The following DNAJC6 variants were observed in gnomAD, a reference collection of about 807,000 sequenced individuals.
DNAJC6 encodes auxilin.
Under a neutral mutation model 110.0 loss-of-function variants are expected in DNAJC6, and 34 were observed. The ratio of observed to expected loss-of-function variants is 0.31; its 90% confidence interval spans 0.24 to 0.41. The LOEUF (loss-of-function observed/expected upper bound fraction) is 0.41. Among genes scored for constraint, DNAJC6 ranks in the 10% least tolerant of loss-of-function variants. The probability of loss-of-function intolerance (pLI) is 1.00; values close to 1 mark genes in which losing one functional copy is unlikely to be tolerated. For synonymous variants in DNAJC6, 406 were observed against 437.2 expected, an observed-to-expected ratio of 0.93 and a Z score of 0.89; for missense variants, 1,031 against 1,207.8, an observed-to-expected ratio of 0.85 and a Z score of 2.17.
At chr1:65,411,466 T>C in intron 18 of DNAJC6, 40 bp downstream of exon 18, 1 of 1,573,848 alleles carries the variant, frequency 6.4e-7, no homozygotes. Context: ...TGTCAGGTCC[T>C]TGCTTCATTA....
chr1:65,389,127 T>C (rs1645899742), intron 9 of DNAJC6, 129 bp from the exon 10 acceptor site: 1 of 836,852 alleles, frequency 1.2e-6, no homozygotes, highest in East Asian at 2.6e-5. Context: ...TATCTGGTTA[T>C]GACTGAGTCT....
At chr1:65,326,030 A>G (rs749965232) in intron 1 of DNAJC6, among the ~76,000 whole-genome samples, 4 of 152,250 alleles carry the variant, frequency 2.6e-5, no homozygotes, top group Non-Finnish European at 4.4e-5. Context: ...TGACTGTCAT[A>G]TATTCAATGT....
At chr1:65,279,791 A>G (rs1337823340) in intron 1 of DNAJC6, 1 of 152,226 alleles carries the variant, frequency 6.6e-6, no homozygotes, top group Non-Finnish European at 1.5e-5. Flanking sequence ...GCTGCCTATA[A>G]CAAGTTTCCA....
intron 1 of DNAJC6, among the ~76,000 whole-genome samples, chr1:65,271,400 C>T (rs1653499824): frequency 6.6e-6 from 1 of 152,114 alleles, no homozygotes; most frequent in Non-Finnish European, 1.5e-5. Flanking sequence ...CAGCATTGCC[C>T]CTTTCCCTGC....
At chr1:65,375,290 A>T (rs190815673) in intron 4 of DNAJC6, among the ~76,000 whole-genome samples, 150 of 151,750 alleles carry the variant, frequency 9.9e-4, no homozygotes, top group South Asian at 3.1e-3. Flanking sequence ...TCATAAAGGG[A>T]TGTTGAATTT....
Position 65,364,610 on chromosome 1 carries a change from G to GT in DNAJC6, c.194-22dup, listed in dbSNP as rs753560538. 2.1e-3 allele frequency: 3,085 copies of GT among 1,441,052 alleles called. 55 individuals are homozygous for GT. The East Asian group carries it at 0.038, about 18-fold the overall frequency. The allele number at this position is 1,441,052 out of a possible 1,614,324, so 89.3% of individuals were successfully genotyped here. On this transcript the variant is annotated intron_variant, in intron 1 of 18. Transcript: ENST00000371069. The stretch of plus-strand genomic sequence containing the variant: ...TTCTCTGCCATCACCATTTTTGTTT[G>GT]TTTGTTTTTTTTTTTTTTTGGCAGG...
At chr1:65,376,847 G>A (rs1410059207) in intron 4 of DNAJC6, among the ~76,000 whole-genome samples, 1 of 152,112 alleles carries the variant, frequency 6.6e-6, no homozygotes, top group Admixed American at 6.5e-5. Flanking sequence ...TCAGTTCACT[G>A]CAACCTCCAC....
At chr1:65,319,748 A>G (rs1645181068) in intron 1 of DNAJC6, among the ~76,000 whole-genome samples, 1 of 152,252 alleles carries the variant, frequency 6.6e-6, no homozygotes, top group African/African-American at 2.4e-5. Flanking sequence ...CTTAGCAGAT[A>G]ATAGTCTTCA....
At chr1:65,371,953 C>G (rs190247461) in intron 4 of DNAJC6, among the ~76,000 whole-genome samples, 5 of 152,128 alleles carry the variant, frequency 3.3e-5, no homozygotes, top group South Asian at 2.1e-4. Flanking sequence ...AGAGCACATG[C>G]TTTTAAAAAA....
intron 1 of DNAJC6, among the ~76,000 whole-genome samples, chr1:65,328,261 C>T (rs561075278): frequency 6.6e-6 from 1 of 152,258 alleles, no homozygotes; most frequent in South Asian, 2.1e-4. Context: ...TTGCTAAAAT[C>T]TCAATGATGA....
chr1:65,365,777 G>A, intron 2 of DNAJC6, 108 bp from the exon 3 acceptor site: 1 of 1,221,864 alleles, frequency 8.2e-7, no homozygotes, highest in Non-Finnish European at 1.2e-6. Context: ...GTCGAAACAT[G>A]CCCCCTGGAC....
At chr1:65,271,578 T>C (rs1383180727) in intron 1 of DNAJC6, among the ~76,000 whole-genome samples, 1 of 152,104 alleles carries the variant, frequency 6.6e-6, no homozygotes, top group African/African-American at 2.4e-5. Flanking sequence ...AGAAATAGAA[T>C]TGATTAGGCC....
chr1:65,411,848 G>C (rs772451705), intron 18 of DNAJC6, among the ~76,000 whole-genome samples: 3 of 152,174 alleles, frequency 2.0e-5, no homozygotes, highest in Non-Finnish European at 4.4e-5. Context: ...GCATAAGCCT[G>C]TAGTCTTAGC....
At chr1:65,279,088 C>T (rs1250104577) in intron 1 of DNAJC6, 4 of 985,288 alleles carry the variant, frequency 4.1e-6, no homozygotes, top group African/African-American at 3.5e-5. Flanking sequence ...AAGGGAAATT[C>T]GTGCCTGTGA....
chr1:65,293,786 C>T (rs1013798981), intron 1 of DNAJC6, among the ~76,000 whole-genome samples: 12 of 152,086 alleles, frequency 7.9e-5, no homozygotes, highest in South Asian at 2.1e-4. Flanking sequence ...CAGATATGCA[C>T]GTACAGAGGC....
chr1:65,400,468 C>T (rs1646020408), intron 14 of DNAJC6, among the ~76,000 whole-genome samples: 1 of 152,108 alleles, frequency 6.6e-6, no homozygotes, highest in Admixed American at 6.6e-5. Flanking sequence ...TAACCAATGC[C>T]TCCTCATCCC....
intron 4 of DNAJC6, 107 bp downstream of exon 4, chr1:65,366,303 C>G: frequency 8.2e-7 from 1 of 1,215,760 alleles, no homozygotes; most frequent in Non-Finnish European, 1.2e-6. Context: ...AGCTGAAAAA[C>G]TATACACTCT....
Position 65,392,615 on chromosome 1 carries a change from T to C in DNAJC6, c.1653T>C (p.Pro551=). The change falls in exon 12 of 19, where the codon CCT becomes CCC. Residue 551 remains proline, a synonymous_variant. Transcript: ENST00000371069. ...AGGAGCCAGCAGCCCCTCCACCCCC[T>C]GAGGATGTGGACCTTTTGGGCCTGG... ...KQQEPAAPPP[P]EDVDLLGLEG... 2 of 1,613,918 alleles carry C rather than the reference T, an allele frequency of 1.2e-6. No homozygotes were observed. Among genetic ancestry groups the C allele is most frequent in the Non-Finnish European group, 1.7e-6 (2 of 1,179,936 alleles).
rs780934468 is a variant in DNAJC6 at position 65,411,303 on chromosome 1, G to A, written c.2688G>A (p.Thr896=). 8 of 1,614,048 alleles carry A rather than the reference G, an allele frequency of 5.0e-6. No individual in the cohort carries two copies. Among genetic ancestry groups the A allele is most frequent in the South Asian group, 1.1e-5 (1 of 91,062 alleles). Residue 896 remains threonine, a synonymous_variant, in exon 18 of 19, where the codon ACG becomes ACA. Coordinates refer to ENST00000371069, the MANE Select transcript of DNAJC6 (RefSeq NM_001256864.2). ...KERNIRALLS[T]MHTVLWAGET... is the part of the protein sequence containing the mutation. ...GAAATATCAGAGCCCTTCTTTCCAC[G>A]ATGCATACCGTACTATGGGCTGGGG...
Sources: gnomAD v4.1 joint callset for allele counts (sites outside exome capture counted in the v4.1 genomes callset) on GRCh38, gnomAD v4.1.1 for gene constraint, MANE v1.5 for transcripts, NCBI Gene and HGNC (gene_info 2026-07-23, HGNC 2026-07-21) for gene names.